TULP4: variants seen among roughly 807,000 people sequenced by gnomAD.
TULP4 encodes the protein tubby-related protein 4.
Under a neutral mutation model 129.0 loss-of-function variants are expected in TULP4, and 16 were observed. That is an observed-to-expected ratio of 0.12 (90% CI 0.08 to 0.19). TULP4 has a LOEUF of 0.19. TULP4 is among the 10% of genes least tolerant of loss of function. The pLI is 1.00. For synonymous variants in TULP4, 998 were observed against 854.0 expected (o/e 1.17, Z -2.94); for missense variants, 1,842 against 2,059.1 (o/e 0.89, Z 2.04).
At chr6:158,350,668 C>T (rs934722584) in intron 1 of TULP4, among the ~76,000 whole-genome samples, 3 of 151,938 alleles carry the variant, frequency 2.0e-5, no homozygotes, top group Admixed American at 6.5e-5. Context: ...GAGGTTGCAG[C>T]GAGCTGAGAT....
At chr6:158,379,677 T>C (rs562241930) in intron 1 of TULP4, among the ~76,000 whole-genome samples, 1 of 152,256 alleles carries the variant, frequency 6.6e-6, no homozygotes, top group African/African-American at 2.4e-5. Flanking sequence ...GGGAAAAATA[T>C]GCAGCTGCCA....
chr6:158,309,174 T>A (rs370751436), upstream of TULP4, among the ~76,000 whole-genome samples: 1 of 34,188 alleles, frequency 2.9e-5, no homozygotes, highest in African/African-American at 7.2e-5. Flanking sequence ...ACTTCTCAGA[T>A]GGGGTGGTTG....
chr6:158,436,278 T>C (rs765282028), intron 3 of TULP4, among the ~76,000 whole-genome samples: 3 of 152,210 alleles, frequency 2.0e-5, no homozygotes, highest in Non-Finnish European at 4.4e-5. Context: ...CCTATGTTTC[T>C]ATCTGAGACT....
intron 1 of TULP4, among the ~76,000 whole-genome samples, chr6:158,293,874 T>C (rs1778985012): frequency 6.6e-6 from 1 of 152,232 alleles, no homozygotes. Flanking sequence ...TGTATGTGTT[T>C]CCCTGCGTTT....
At chr6:158,351,612 T>G (rs1287337913) in intron 1 of TULP4, among the ~76,000 whole-genome samples, 2 of 151,984 alleles carry the variant, frequency 1.3e-5, no homozygotes, top group Non-Finnish European at 2.9e-5. Context: ...TTTACAAACT[T>G]AGACACCTTA....
At chr6:158,253,565 T>G (rs1014926569) in intron 1 of TULP4, among the ~76,000 whole-genome samples, 5 of 151,858 alleles carry the variant, frequency 3.3e-5, no homozygotes, top group Non-Finnish European at 7.3e-5. Flanking sequence ...TATTATCTTG[T>G]GGCTTCTCAG....
chr6:158,488,026 G>A (rs1780111717), intron 8 of TULP4, among the ~76,000 whole-genome samples: 1 of 152,182 alleles, frequency 6.6e-6, no homozygotes. Flanking sequence ...AGCACTTTGG[G>A]AGGCTGAGGC....
chr6:158,300,509 G>GT (rs965006061), intron 1 of TULP4, among the ~76,000 whole-genome samples: 3 of 152,200 alleles, frequency 2.0e-5, no homozygotes, highest in Admixed American at 1.3e-4. Context: ...CCTGAGGATT[G>GT]TAAGTTACTC....
At chr6:158,326,216 A>C (rs1391475798) in intron 1 of TULP4, among the ~76,000 whole-genome samples, 1 of 152,086 alleles carries the variant, frequency 6.6e-6, no homozygotes, top group Non-Finnish European at 1.5e-5. Context: ...CATGATAAAA[A>C]TTTCCCCCCC....
intron 1 of TULP4, among the ~76,000 whole-genome samples, chr6:158,409,821 ATGTTTCCATGTACTGC>A (rs1335677989): frequency 6.6e-6 from 1 of 151,916 alleles, no homozygotes; most frequent in East Asian, 1.9e-4. Flanking sequence ...AAATGGGACT[ATGTTTCCATGTACTGC>A]TGCATCTCAA....
upstream of TULP4, among the ~76,000 whole-genome samples, chr6:158,307,940 T>C (rs555538794): frequency 8.6e-4 from 131 of 152,014 alleles, no homozygotes; most frequent in Non-Finnish European, 9.7e-4. Context: ...CTCATAGTGA[T>C]GAGTGCTGAT....
chr6:158,324,982 G>A (rs916271318), intron 1 of TULP4, among the ~76,000 whole-genome samples: 3 of 152,158 alleles, frequency 2.0e-5, no homozygotes, highest in African/African-American at 7.2e-5. Flanking sequence ...AAAGCAAAGC[G>A]GGATCGACAG....
intron 1 of TULP4, among the ~76,000 whole-genome samples, chr6:158,333,020 A>T (rs1779947329): frequency 6.6e-6 from 1 of 152,114 alleles, no homozygotes; most frequent in Non-Finnish European, 1.5e-5. Context: ...CCAATTCCAG[A>T]CCACCCCTAT....
intron 1 of TULP4, among the ~76,000 whole-genome samples, chr6:158,270,234 A>G (rs1778522586): frequency 6.6e-6 from 1 of 152,132 alleles, no homozygotes; most frequent in Non-Finnish European, 1.5e-5. Flanking sequence ...TTGTCAGTAA[A>G]TTGTCCTTAC....
At chr6:158,436,510 G>C (rs341110) in intron 3 of TULP4, among the ~76,000 whole-genome samples, 36,471 of 152,062 alleles carry the variant, frequency 0.24, 5,610 homozygotes, top group Middle Eastern at 0.34. Flanking sequence ...CCACCTACAG[G>C]AATCTCCCTA....
chr6:158,260,435 G>A (rs1180313159), intron 1 of TULP4, among the ~76,000 whole-genome samples: 5 of 152,068 alleles, frequency 3.3e-5, no homozygotes, highest in Non-Finnish European at 7.3e-5. Context: ...AATTAGCTGG[G>A]CGAGGTGGTG....
chr6:158,274,763 C>T (rs1303615402), intron 1 of TULP4, among the ~76,000 whole-genome samples: 2 of 152,114 alleles, frequency 1.3e-5, no homozygotes, highest in Admixed American at 6.5e-5. Flanking sequence ...GGCAACAGAG[C>T]GAGACTCCGT....
chr6:158,503,771 T>G lies in TULP4; in HGVS notation c.4108T>G (p.Ser1370Ala), dbSNP rs781351994. The G allele has an allele frequency of 6.2e-7, 1 of 1,613,944 alleles. No homozygotes were observed. The highest frequency in any genetic ancestry group is 8.5e-7 in the Non-Finnish European group (1 of 1,180,000). Residue 1370 changes from serine to alanine, a missense_variant, in exon 13 of 14, where the codon TCC (serine) becomes GCC (alanine). This residue lies in a region of TULP4 where 1,089 missense variants were observed against 987.1 expected (regional missense o/e 1.10). Coordinates refer to ENST00000367097, the MANE Select transcript of TULP4 (RefSeq NM_020245.5). This position sits in a 1 kb window ranked among gnomAD's most constrained non-coding sequence, Gnocchi z 4.3. ...KEARTLSDFNSLISSPHLGRE... is the reference protein window; with the variant it reads ...KEARTLSDFNALISSPHLGRE... ...GGCTAGGACTTTGAGTGACTTTAAT[T>G]CCCTAATCTCCAGCCCACACCTGGG...
At chr6:158,403,603 AAGT>A (rs1237344881) in intron 1 of TULP4, among the ~76,000 whole-genome samples, 1 of 152,044 alleles carries the variant, frequency 6.6e-6, no homozygotes, top group East Asian at 1.9e-4. Context: ...GCCTCCCAAA[AAGT>A]AGAAGGAGCT....
Sources: gnomAD v4.1 joint callset for allele counts (sites outside exome capture counted in the v4.1 genomes callset) on GRCh38, gnomAD v4.1.1 for gene constraint, gnomAD v4.1.1 regional missense constraint, Gnocchi (gnomAD v3.1) non-coding constraint, MANE v1.5 for transcripts, NCBI Gene and HGNC (gene_info 2026-07-23, HGNC 2026-07-21) for gene names.